Variants in AUTS2 observed in about 807,000 individuals in gnomAD.
AUTS2 encodes activator of transcription and developmental regulator AUTS2, also known as autism susceptibility gene 2 protein.
A neutral mutation model predicts 112.4 loss-of-function variants in AUTS2; 17 were observed. The observed-to-expected ratio is 0.15, with a 90% CI of 0.10 to 0.23. AUTS2 has a LOEUF of 0.23. AUTS2 is among the 10% of genes least tolerant of loss of function. The probability of loss-of-function intolerance (pLI) is 1.00; values close to 1 mark genes in which losing one functional copy is unlikely to be tolerated. For missense variants in AUTS2, 1,510 were observed against 1,701.6 expected (o/e 0.89, Z 1.98); for synonymous variants, 751 against 702.7 (o/e 1.07, Z -1.09).
chr7:69,646,243 G>T (rs1469170318), intron 1 of AUTS2, among the ~76,000 whole-genome samples: 1 of 152,102 alleles, frequency 6.6e-6, no homozygotes, highest in Non-Finnish European at 1.5e-5. Flanking sequence ...AAAGCAGGCT[G>T]CTACTGTTTC....
chr7:70,558,201 A>G (rs1232843580), intron 5 of AUTS2, among the ~76,000 whole-genome samples: 1 of 152,174 alleles, frequency 6.6e-6, no homozygotes, highest in South Asian at 2.1e-4. Context: ...CCCGAAGCCC[A>G]GGCACTTGGC....
chr7:70,257,482 T>G (rs1786942406), intron 4 of AUTS2, among the ~76,000 whole-genome samples: 1 of 152,114 alleles, frequency 6.6e-6, no homozygotes, highest in African/African-American at 2.4e-5. Context: ...CATGCCGAGC[T>G]AATTTTTGTA....
chr7:70,757,807 CTTTTTTTTTTTTTT>C (rs3974412), intron 6 of AUTS2, among the ~76,000 whole-genome samples: 7 of 60,544 alleles, frequency 1.2e-4, no homozygotes, highest in East Asian at 1.3e-3. Context: ...TCCATGGCTT[CTTTTTTTTTTTTTT>C]TTTTTTTTTT....
At chr7:69,809,959 T>A (rs1790476578) in intron 1 of AUTS2, among the ~76,000 whole-genome samples, 1 of 152,160 alleles carries the variant, frequency 6.6e-6, no homozygotes, top group Non-Finnish European at 1.5e-5. Flanking sequence ...CAGAGTGACT[T>A]TTCCTAAAAT....
At chr7:70,734,131 C>G (rs1379022844) in intron 6 of AUTS2, among the ~76,000 whole-genome samples, 1 of 151,876 alleles carries the variant, frequency 6.6e-6, no homozygotes, top group East Asian at 2.0e-4. Flanking sequence ...ACGTTGTACT[C>G]GTTTGTCCAG....
At chr7:69,683,649 C>A (rs1796919325) in intron 1 of AUTS2, among the ~76,000 whole-genome samples, 1 of 151,994 alleles carries the variant, frequency 6.6e-6, no homozygotes, top group Admixed American at 6.5e-5. Context: ...GTAATCCCAG[C>A]ACTTTGGGAG....
At chr7:70,622,643 G>T (rs1804741959) in intron 5 of AUTS2, among the ~76,000 whole-genome samples, 1 of 152,138 alleles carries the variant, frequency 6.6e-6, no homozygotes, top group African/African-American at 2.4e-5. Context: ...AAAAAGGCTT[G>T]TATTTTTCCC....
intron 1 of AUTS2, among the ~76,000 whole-genome samples, chr7:69,884,057 A>T (rs187514194): frequency 6.6e-6 from 1 of 152,340 alleles, no homozygotes; most frequent in African/African-American, 2.4e-5. Context: ...CCAACAGCCA[A>T]TGTCATAACA....
intron 4 of AUTS2, among the ~76,000 whole-genome samples, chr7:70,243,898 TAGTA>T (rs1469492456): frequency 6.6e-6 from 1 of 151,944 alleles, no homozygotes; most frequent in Non-Finnish European, 1.5e-5. Context: ...TTGACAGTAA[TAGTA>T]AGAGTATGGG....
chr7:70,627,803 C>T (rs1271308777), intron 5 of AUTS2, among the ~76,000 whole-genome samples: 2 of 152,132 alleles, frequency 1.3e-5, no homozygotes, highest in East Asian at 1.9e-4. Flanking sequence ...GTTATGTACA[C>T]GGTGGAGGAA....
intron 10 of AUTS2, among the ~76,000 whole-genome samples, chr7:70,769,397 T>C (rs1439902750): frequency 6.6e-6 from 1 of 152,100 alleles, no homozygotes; most frequent in Non-Finnish European, 1.5e-5. Context: ...GCTAACAAAA[T>C]AATTCAGGCT....
chr7:70,753,445 C>T (rs1275513206), intron 6 of AUTS2, among the ~76,000 whole-genome samples: 1 of 152,182 alleles, frequency 6.6e-6, no homozygotes, highest in Non-Finnish European at 1.5e-5. Context: ...TGATCTTCCA[C>T]TCTTGCAGTG....
At chr7:70,771,728 T>C (rs985672973) in intron 11 of AUTS2, 84 bp downstream of exon 11, 25 of 1,237,852 alleles carry the variant, frequency 2.0e-5, no homozygotes, top group Non-Finnish European at 2.9e-5. Context: ...TGCGTCCTCT[T>C]GCCTGTGCAG....
chr7:70,390,905 C>G (rs1793822303), intron 4 of AUTS2, among the ~76,000 whole-genome samples: 1 of 152,210 alleles, frequency 6.6e-6, no homozygotes, highest in South Asian at 2.1e-4. Context: ...TTTCCTACTT[C>G]AAGGAGCCTG....
intron 2 of AUTS2, among the ~76,000 whole-genome samples, chr7:69,923,667 A>G (rs1282246016): frequency 6.6e-6 from 1 of 152,118 alleles, no homozygotes; most frequent in Non-Finnish European, 1.5e-5. Flanking sequence ...AGCCTTTCAT[A>G]TATTTTGTCA....
intron 5 of AUTS2, among the ~76,000 whole-genome samples, chr7:70,512,238 A>T (rs1440520569): frequency 6.6e-6 from 1 of 152,178 alleles, no homozygotes; most frequent in Non-Finnish European, 1.5e-5. Context: ...CAGATGGCGC[A>T]CATATCCATG....
At chr7:69,738,268 C>G (rs900492384) in intron 1 of AUTS2, among the ~76,000 whole-genome samples, 1 of 151,730 alleles carries the variant, frequency 6.6e-6, no homozygotes, top group Non-Finnish European at 1.5e-5. Context: ...CCCCTTCTCT[C>G]TCTTCTATAG....
intron 5 of AUTS2, among the ~76,000 whole-genome samples, chr7:70,555,376 C>T (rs910711866): frequency 9.8e-5 from 15 of 152,334 alleles, no homozygotes; most frequent in African/African-American, 3.6e-4. Flanking sequence ...AGGTTGCTTT[C>T]ATTGGTAGCT....
chr7:69,789,245 C>A (rs899564398), intron 1 of AUTS2, among the ~76,000 whole-genome samples: 1 of 152,106 alleles, frequency 6.6e-6, no homozygotes, highest in Non-Finnish European at 1.5e-5. Flanking sequence ...CAATGCACAT[C>A]AGAATTACGT....
Sources: allele counts gnomAD v4.1 joint callset (sites outside exome capture counted in the v4.1 genomes callset), GRCh38; gene constraint gnomAD v4.1.1; transcripts MANE v1.5; gene names NCBI Gene and HGNC (gene_info 2026-07-23, HGNC 2026-07-21).